Variants in LRRC8C observed in about 807,000 individuals in gnomAD.
LRRC8C encodes volume-regulated anion channel subunit LRRC8C.
A neutral mutation model predicts 55.3 loss-of-function variants in LRRC8C; 20 were observed. The ratio of observed to expected loss-of-function variants is 0.36; its 90% CI spans 0.25 to 0.53. The LOEUF (loss-of-function observed/expected upper bound fraction) is 0.53. LRRC8C is among the 20% of genes least tolerant of loss of function. The pLI, the probability that LRRC8C is intolerant of heterozygous loss-of-function variation, is 0.92. For missense variants in LRRC8C, 659 were observed against 951.4 expected, an observed-to-expected ratio of 0.69 and a Z score of 4.04; for synonymous variants, 376 against 360.7, an observed-to-expected ratio of 1.04 and a Z score of -0.48.
intron 2 of LRRC8C, among the ~76,000 whole-genome samples, chr1:89,698,496 A>C (rs112759534): frequency 0.017 from 2,554 of 152,254 alleles, 72 homozygotes; most frequent in African/African-American, 0.058. Context: ...TTTAGTGCTT[A>C]ATCTTTCTAT....
At chr1:89,617,911 A>C in the LRRC8C span, among the ~76,000 whole-genome samples, 9 of 152,136 alleles carry the variant, frequency 5.9e-5, 1 homozygote, top group African/African-American at 2.2e-4. Context: ...GGTCAGGGAG[A>C]GACCATACAG....
chr1:89,627,188 C>A, the LRRC8C span, among the ~76,000 whole-genome samples: 31 of 151,934 alleles, frequency 2.0e-4, 1 homozygote, highest in African/African-American at 4.6e-4. Context: ...CAAATATAAT[C>A]AAAAATGATC....
At chr1:89,623,670 C>T in the LRRC8C span, among the ~76,000 whole-genome samples, 1 of 151,898 alleles carries the variant, frequency 6.6e-6, no homozygotes, top group Non-Finnish European at 1.5e-5. Flanking sequence ...TACAGTGAGC[C>T]GAGATCGTGC....
At position 89,685,273 on chromosome 1, in the gene LRRC8C, C is replaced by T. The variant is rs551524438; in HGVS notation, c.-4-1197C>T. 4.1e-4 allele frequency among the ~76,000 whole-genome samples: 54 copies of T among 130,402 alleles called. No homozygotes were observed. In the South Asian group the frequency reaches 4.5e-3, roughly 11 times the overall value. 85.5% of individuals were successfully genotyped at this position (130,402 alleles called of 152,430 possible). A position where few individuals can be genotyped will look rare whatever the true frequency, so the allele number is the denominator to read the frequency against. ...AGCTGGGACTACAGGCGCCCGCCAC[C>T]GCGCCCGGCTAATTTTTTGTATTTT... is the stretch of plus-strand genomic sequence containing the variant. On this transcript the variant is annotated intron_variant, in intron 1 of 2. Transcript: ENST00000370454.
intron 2 of LRRC8C, among the ~76,000 whole-genome samples, chr1:89,695,602 T>G (rs1322939148): frequency 6.6e-6 from 1 of 152,272 alleles, no homozygotes; most frequent in Non-Finnish European, 1.5e-5. Flanking sequence ...CACTTAATTT[T>G]ATATTTTTAG....
At chr1:89,672,543 G>A (rs1015323804) in intron 1 of LRRC8C, among the ~76,000 whole-genome samples, 1 of 152,088 alleles carries the variant, frequency 6.6e-6, no homozygotes, top group Non-Finnish European at 1.5e-5. Flanking sequence ...CAAAGACACC[G>A]CATCTGTCCT....
chr1:89,662,577 G>A (rs760260073), intron 1 of LRRC8C, among the ~76,000 whole-genome samples: 2 of 152,094 alleles, frequency 1.3e-5, no homozygotes, highest in Non-Finnish European at 2.9e-5. Flanking sequence ...GGCTTGGATC[G>A]GGGTAGCAGC....
chr1:89,688,471 T>C (rs1433868450), intron 2 of LRRC8C, among the ~76,000 whole-genome samples: 1 of 152,212 alleles, frequency 6.6e-6, no homozygotes, highest in Non-Finnish European at 1.5e-5. Context: ...AGAAGGTTCC[T>C]GCAGGTAAGA....
At chr1:89,675,510 C>G (rs1657525896) in intron 1 of LRRC8C, among the ~76,000 whole-genome samples, 1 of 152,206 alleles carries the variant, frequency 6.6e-6, no homozygotes. Flanking sequence ...ACCCTGTGCC[C>G]TCTTTGTTCA....
At chr1:89,661,360 A>G in intron 1 of LRRC8C, 1 of 346,326 alleles carries the variant, frequency 2.9e-6, no homozygotes, top group Admixed American at 2.9e-5. Context: ...GCCAGACACG[A>G]GATACAGTGC....
chr1:89,703,966 A>G (rs892893065), intron 2 of LRRC8C, among the ~76,000 whole-genome samples: 4 of 152,112 alleles, frequency 2.6e-5, no homozygotes, highest in African/African-American at 9.7e-5. Context: ...AAAAAATTAT[A>G]AGAGTAAAAA....
At chr1:89,680,742 G>A (rs149405777) in intron 1 of LRRC8C, among the ~76,000 whole-genome samples, 1 of 151,668 alleles carries the variant, frequency 6.6e-6, no homozygotes, top group African/African-American at 2.4e-5. Flanking sequence ...TGTATTTTTA[G>A]TAGAGATGGG....
At chr1:89,654,510 C>T (rs1443317933) in intron 1 of LRRC8C, among the ~76,000 whole-genome samples, 2 of 152,086 alleles carry the variant, frequency 1.3e-5, no homozygotes, top group Admixed American at 1.3e-4. Context: ...GTGTCTTACT[C>T]CCTTTATATT....
intron 1 of LRRC8C, among the ~76,000 whole-genome samples, chr1:89,676,727 A>G (rs1375110945): frequency 6.6e-6 from 1 of 152,244 alleles, no homozygotes; most frequent in Non-Finnish European, 1.5e-5. Flanking sequence ...AAATACTGTA[A>G]CAACGTCTTT....
intron 1 of LRRC8C, chr1:89,661,151 AT>A (rs1205516327): frequency 5.6e-6 from 1 of 178,170 alleles, no homozygotes; most frequent in Non-Finnish European, 1.2e-5. Flanking sequence ...TAAGCGGAAA[AT>A]TGTGTGGATG....
At chr1:89,696,525 T>G (rs1658176599) in intron 2 of LRRC8C, among the ~76,000 whole-genome samples, 1 of 151,646 alleles carries the variant, frequency 6.6e-6, no homozygotes, top group Non-Finnish European at 1.5e-5. Context: ...GGGAGAGAGA[T>G]ATTGATTTAT....
chr1:89,692,509 G>A (rs946379601), intron 2 of LRRC8C, among the ~76,000 whole-genome samples: 9 of 152,132 alleles, frequency 5.9e-5, no homozygotes, highest in African/African-American at 2.2e-4. Flanking sequence ...TTCTATCAAG[G>A]GGATGTTGAT....
chr1:89,652,383 G>A (rs750071795), intron 1 of LRRC8C, among the ~76,000 whole-genome samples: 2 of 152,164 alleles, frequency 1.3e-5, no homozygotes, highest in Non-Finnish European at 2.9e-5. Context: ...TCTGAAAAGA[G>A]ATAAGAGTTT....
chr1:89,656,487 A>G (rs1398771604), intron 1 of LRRC8C, among the ~76,000 whole-genome samples: 3 of 152,182 alleles, frequency 2.0e-5, no homozygotes, highest in Non-Finnish European at 4.4e-5. Flanking sequence ...AGAGTCACAT[A>G]GTCAGTGGGG....
Sources: gnomAD v4.1 joint callset for allele counts (sites outside exome capture counted in the v4.1 genomes callset) on GRCh38, gnomAD v4.1.1 for gene constraint, MANE v1.5 for transcripts, NCBI Gene and HGNC (gene_info 2026-07-23, HGNC 2026-07-21) for gene names.